Variants in DCLRE1A observed in about 807,000 individuals in gnomAD.
The protein encoded by DCLRE1A is DNA cross-link repair 1A.
Under a neutral mutation model 91.9 loss-of-function variants are expected in DCLRE1A, and 64 were observed. That is an observed-to-expected ratio of 0.70 (90% CI 0.57 to 0.86). DCLRE1A has a LOEUF of 0.86. DCLRE1A is among the 40% of genes least tolerant of loss of function. The pLI is 0.00. For missense variants in DCLRE1A, 1,145 were observed against 1,213.3 expected (o/e 0.94, Z 0.84); for synonymous variants, 416 against 431.1 (o/e 0.96, Z 0.43).
chr10:113,848,039 C>T (rs866216395), intron 2 of DCLRE1A, among the ~76,000 whole-genome samples: 2 of 152,336 alleles, frequency 1.3e-5, no homozygotes, highest in South Asian at 4.1e-4. Context: ...ATTGGCCGGG[C>T]TCGGTGGCTC....
At position 113,850,469 on chromosome 10, in the gene DCLRE1A, T is replaced by C. The variant is rs772274616; in HGVS notation, c.636A>G (p.Arg212=). 1.2e-5 allele frequency: 20 copies of C among 1,614,054 alleles called. No homozygotes were observed. Among genetic ancestry groups the C allele is most frequent in the Non-Finnish European group, 1.7e-5 (20 of 1,180,026 alleles). The change falls in exon 2 of 9, where the codon AGA becomes AGG. Residue 212 remains arginine, a synonymous_variant. Coordinates refer to ENST00000361384, the MANE Select transcript of DCLRE1A (RefSeq NM_014881.5). ...CAGTTTGGTTCTGATACGAAGACCA[T>C]CTTTCCTCAAGGCTACAAAGGACGC... is the stretch of plus-strand genomic sequence containing the variant. ...KSGVLCSLEE[R]WSSYQNQTDN...
Position 113,849,425 on chromosome 10 carries a change from A to G in DCLRE1A, c.1680T>C (p.Gly560=). 7 of 1,614,012 alleles carry G rather than the reference A, an allele frequency of 4.3e-6. No homozygotes were observed. Among genetic ancestry groups the G allele is most frequent in the Non-Finnish European group, 5.9e-6 (7 of 1,179,984 alleles). Residue 560 remains glycine (G), a synonymous_variant, in exon 2 of 9, where the codon GGT becomes GGC. Transcript: ENST00000361384. The stretch of plus-strand genomic sequence containing the variant: ...TTTTGGGAGGTAGTCCAAAATACAC[A>G]CCTATATCCATTTGCTTCATTACCT... The part of the protein sequence containing the change: ...STKVMKQMDI[G]VYFGLPPKRK...
In DCLRE1A at chr10:113,850,382, C is replaced by T; in HGVS notation, c.723G>A (p.Leu241=). ...MTQYFKKSPS[L]TEASEKISTH... ...TAGAAATCTTTTCACTGGCTTCAGT[C>T]AGAGACGGAGACTTTTTAAAATACT... Residue 241 remains leucine (L), a synonymous_variant, in exon 2 of 9, where the codon CTG becomes CTA. Transcript: ENST00000361384. 11 of 1,614,190 alleles carry T rather than the reference C, an allele frequency of 6.8e-6. No homozygotes were observed. The highest frequency in any genetic ancestry group is 9.3e-6 in the Non-Finnish European group (11 of 1,180,036).
Position 113,842,395 on chromosome 10 carries a change from A to C in DCLRE1A, c.2613T>G (p.His871Gln), listed in dbSNP as rs1355522079. 2 of 1,613,856 alleles carry C rather than the reference A, an allele frequency of 1.2e-6. No individual in the cohort carries two copies. The highest frequency in any genetic ancestry group is 2.7e-5 in the African/African-American group (2 of 74,936). ...TAFEAVTLNP[H>Q]ALVVCGTYSI... ...AGTAAGTGCCACAGACAACAAGAGC[A>C]TGTGGGTTTAGAGTTACAGCCTCAA... Residue 871 changes from histidine to glutamine, a missense_variant, in exon 6 of 9, where the codon CAT becomes CAG. Physicochemically the swap from His to Gln is conservative, Grantham distance 24. Transcript: ENST00000361384.
At chr10:113,840,997 T>A (rs1371982574) in intron 7 of DCLRE1A, among the ~76,000 whole-genome samples, 2 of 152,168 alleles carry the variant, frequency 1.3e-5, no homozygotes, top group Non-Finnish European at 2.9e-5. Flanking sequence ...TTTTCAATAT[T>A]TATCAATCTA....
At position 113,837,052 on chromosome 10, in the gene DCLRE1A, AT is replaced by A. The variant is rs1564840959; in HGVS notation, c.2962+9del. The A allele has an allele frequency of 6.4e-7, 1 of 1,569,814 alleles. No homozygotes were observed. Among genetic ancestry groups the A allele is most frequent in the Non-Finnish European group, 8.6e-7 (1 of 1,163,070 alleles). The stretch of plus-strand genomic sequence containing the variant: ...TAAACACTAAAAGTGAGAAAATTTA[AT>A]AACTATACCATATATTGAAATGTTT... On this transcript the variant is annotated intron_variant, in intron 8 of 8. Transcript: ENST00000361384.
intron 7 of DCLRE1A, among the ~76,000 whole-genome samples, chr10:113,840,169 C>T (rs1431353585): frequency 1.3e-5 from 2 of 151,948 alleles, no homozygotes; most frequent in Non-Finnish European, 2.9e-5. Context: ...TGGCACATGC[C>T]TGTAATTCCA....
At chr10:113,843,782 T>C (rs1845484656) in intron 5 of DCLRE1A, among the ~76,000 whole-genome samples, 1 of 152,222 alleles carries the variant, frequency 6.6e-6, no homozygotes, top group South Asian at 2.1e-4. Context: ...AATTAATAGC[T>C]ACACAGTTAC....
At chr10:113,847,362 G>A in intron 2 of DCLRE1A, 27 bp from the exon 3 acceptor site, 3 of 1,611,574 alleles carry the variant, frequency 1.9e-6, no homozygotes, top group Non-Finnish European at 2.5e-6. Flanking sequence ...GACACAGTAG[G>A]TTGAGCAAGA....
intron 7 of DCLRE1A, among the ~76,000 whole-genome samples, chr10:113,839,318 C>G (rs914526158): frequency 3.3e-5 from 4 of 122,422 alleles, no homozygotes; most frequent in African/African-American, 1.3e-4. Context: ...GAGCGAGACC[C>G]TGTCTCAAAA....
rs192445135 is a variant in DCLRE1A, at chr10:113,837,380, T to C, written c.2821-177A>G. ...ATCACTGAAAAAAAAATATATAAAA[T>C]ATTTTCTCCTTTACTTATCTGAAGT... On this transcript the variant is annotated intron_variant, in intron 7 of 8. Transcript: ENST00000361384. 2.0e-3 allele frequency among the ~76,000 whole-genome samples: 304 copies of C among 152,182 alleles called. 1 individual carries two copies. Among genetic ancestry groups the C allele is most frequent in the Middle Eastern group, 0.017 (5 of 294 alleles).
intron 8 of DCLRE1A, among the ~76,000 whole-genome samples, 187 bp downstream of exon 8, chr10:113,836,875 T>C (rs1845370052): frequency 6.6e-6 from 1 of 152,226 alleles, no homozygotes; most frequent in Non-Finnish European, 1.5e-5. Context: ...GTCTATCTAC[T>C]AGTCAAGCTC....
chr10:113,835,142 G>C lies in DCLRE1A; in HGVS notation c.*10C>G. 6.2e-7 allele frequency: 1 copy of C among 1,611,064 alleles called. No homozygotes were observed. The highest frequency in any genetic ancestry group is 8.5e-7 in the Non-Finnish European group (1 of 1,178,852). Reference sequence around the variant, plus strand: ...GGAACTTAACTACTACTGAATCCTCGGAGGTATCATCAATATCCAGCTTCC... The same window carrying C: ...GGAACTTAACTACTACTGAATCCTCCGAGGTATCATCAATATCCAGCTTCC... On this transcript the variant is annotated 3_prime_UTR_variant, in exon 9 of 9. Coordinates refer to ENST00000361384, the MANE Select transcript of DCLRE1A (RefSeq NM_014881.5).
chr10:113,848,892 TACAC>T (rs17228707), intron 2 of DCLRE1A, 84 bp downstream of exon 2: 76 of 1,134,488 alleles, frequency 6.7e-5, no homozygotes, highest in Non-Finnish European at 8.9e-5. Context: ...AATTGTCTCA[TACAC>T]ACACACACAC....
At chr10:113,841,718 T>TA (rs552137336) in intron 6 of DCLRE1A, among the ~76,000 whole-genome samples, 158 bp from the exon 7 acceptor site, 33 of 152,356 alleles carry the variant, frequency 2.2e-4, no homozygotes, top group Middle Eastern at 3.4e-3. Flanking sequence ...ATCATTTTGT[T>TA]AGTTTACTGT....
intron 1 of DCLRE1A, among the ~76,000 whole-genome samples, chr10:113,851,134 C>G (rs919320959): frequency 1.4e-4 from 22 of 152,074 alleles, no homozygotes; most frequent in Non-Finnish European, 1.5e-5. Context: ...TAGTGAAAAA[C>G]CAAAAGAAAA....
Position 113,850,026 on chromosome 10 carries a change from G to A in DCLRE1A, c.1079C>T (p.Pro360Leu). The change falls in exon 2 of 9, where the codon CCC becomes CTC. Residue 360 changes from proline to leucine, a missense_variant. Coordinates refer to ENST00000361384, the MANE Select transcript of DCLRE1A (RefSeq NM_014881.5). ...CCGAGTTAAGAAGCTGTTCACTTTGGGGCAGCTCTCATCCTGGTCCTTCAG... is the reference window on the plus strand; with the variant it reads ...CCGAGTTAAGAAGCTGTTCACTTTGAGGCAGCTCTCATCCTGGTCCTTCAG... ...PLLKDQDESC[P>L]KVNSFLTRDK... is the part of the protein sequence containing the mutation. 1 of 1,614,032 alleles carries A rather than the reference G, an allele frequency of 6.2e-7. No homozygotes were observed. The highest frequency in any genetic ancestry group is 1.3e-5 in the African/African-American group (1 of 74,968).
chr10:113,845,420 T>A (rs888077724), intron 4 of DCLRE1A, among the ~76,000 whole-genome samples: 9 of 152,158 alleles, frequency 5.9e-5, no homozygotes, highest in Non-Finnish European at 1.2e-4. Context: ...TAAAGTATTT[T>A]AAAAAATAAG....
intron 1 of DCLRE1A, 38 bp from the exon 2 acceptor site, chr10:113,850,682 AG>A: frequency 6.8e-7 from 1 of 1,478,486 alleles, no homozygotes; most frequent in Non-Finnish European, 9.1e-7. Context: ...ACACGATCAA[AG>A]CATAGACTAA....
Sources: gnomAD v4.1 joint callset for allele counts (sites outside exome capture counted in the v4.1 genomes callset) on GRCh38, gnomAD v4.1.1 for gene constraint, MANE v1.5 for transcripts, NCBI Gene and HGNC (gene_info 2026-07-23, HGNC 2026-07-21) for gene names.